Variants in CDH3 observed in about 807,000 individuals in gnomAD.
The protein encoded by CDH3 is cadherin 3, also known as cadherin-3.
A neutral mutation model predicts 82.0 loss-of-function variants in CDH3; 54 were observed. The observed-to-expected ratio is 0.66, with a 90% CI of 0.53 to 0.83. The LOEUF (loss-of-function observed/expected upper bound fraction) is 0.83. Among genes scored for constraint, CDH3 ranks in the 40% least tolerant of loss-of-function variants. The pLI is 0.00. For synonymous variants in CDH3, 446 were observed against 437.9 expected (o/e 1.02, Z -0.23); for missense variants, 1,054 against 1,084.6 (o/e 0.97, Z 0.40).
chr16:68,705,467 C>T (rs1465062133), intron 1 of CDH3, among the ~76,000 whole-genome samples: 1 of 152,048 alleles, frequency 6.6e-6, no homozygotes, highest in Non-Finnish European at 1.5e-5. Context: ...ATCCCCCAGG[C>T]TGGAGTGCAG....
At chr16:68,718,955 G>A (rs1027094351) in intron 1 of CDH3, among the ~76,000 whole-genome samples, 5 of 151,948 alleles carry the variant, frequency 3.3e-5, no homozygotes, top group Admixed American at 6.6e-5. Flanking sequence ...GAAAAAAAAC[G>A]GGGCCGGGCG....
chr16:68,708,725 C>T (rs777870977), intron 1 of CDH3, among the ~76,000 whole-genome samples: 1 of 151,814 alleles, frequency 6.6e-6, no homozygotes, highest in Non-Finnish European at 1.5e-5. Context: ...CTCACTGAAA[C>T]CTCCACCTCC....
intron 1 of CDH3, among the ~76,000 whole-genome samples, chr16:68,713,982 GGAGTGCGGTGGCTC>G (rs1962063807): frequency 6.6e-6 from 1 of 151,880 alleles, no homozygotes; most frequent in Non-Finnish European, 1.5e-5. Flanking sequence ...CACCCAGGCT[GGAGTGCGGTGGCTC>G]GATCTCAGCT....
intron 2 of CDH3, 124 bp from the exon 3 acceptor site, chr16:68,676,261 C>A (rs1402308072): frequency 1.4e-6 from 1 of 730,682 alleles, no homozygotes. Flanking sequence ...TAAGCCAAGT[C>A]TCCCTTCTGC....
intron 11 of CDH3, chr16:68,686,318 C>A (rs866731125): frequency 1.2e-6 from 1 of 838,028 alleles, no homozygotes; most frequent in Non-Finnish European, 2.0e-6. Context: ...AGGGTCAGAC[C>A]GCATGTCTCT....
intron 11 of CDH3, among the ~76,000 whole-genome samples, chr16:68,686,850 C>T (rs1024258865): frequency 1.3e-5 from 2 of 152,308 alleles, no homozygotes; most frequent in Admixed American, 1.3e-4. Flanking sequence ...CGCCTGTAGT[C>T]CCAGCTACTC....
At chr16:68,729,386 G>C (rs979082467), downstream of CDH3, among the ~76,000 whole-genome samples, 5 of 152,142 alleles carry the variant, frequency 3.3e-5, no homozygotes, top group African/African-American at 1.2e-4. Context: ...GTTTTTTAAA[G>C]AAGTCTGTAA....
Position 68,654,992 on chromosome 16 carries a change from C to T in CDH3, c.160+9242C>T, listed in dbSNP as rs1164270184. On this transcript the variant is annotated intron_variant, in intron 2 of 15. Coordinates refer to ENST00000264012, the MANE Select transcript of CDH3 (RefSeq NM_001793.6). Reference sequence around the variant, plus strand: ...CGGAGGTTGCAGTGAGCCGAGATTGCACCACTGCATTCCAGCCTGGGCAAC... The same window carrying T: ...CGGAGGTTGCAGTGAGCCGAGATTGTACCACTGCATTCCAGCCTGGGCAAC... 2.6e-5 allele frequency among the ~76,000 whole-genome samples: 4 copies of T among 152,134 alleles called. No homozygotes were observed. In the South Asian group the frequency reaches 6.2e-4, roughly 24 times the overall value.
chr16:68,672,698 A>G (rs748147950), intron 2 of CDH3, among the ~76,000 whole-genome samples: 2 of 152,198 alleles, frequency 1.3e-5, no homozygotes, highest in African/African-American at 2.4e-5. Flanking sequence ...TCAAGGAGGC[A>G]GGGCTGGTTC....
rs765346122 is a variant in CDH3 at position 68,682,379 on chromosome 16, C to T, written c.1074C>T (p.Asn358=). The stretch of plus-strand genomic sequence containing the variant: ...CGGTCACTGATCTGGACGCCCCCAA[C>T]TCACCAGCGTGGCGTGCCACCTACC... ...RLTVTDLDAP[N]SPAWRATYLI... is the part of the protein sequence containing the mutation. The change falls in exon 9 of 16, where the codon AAC becomes AAT. Residue 358 remains asparagine, a synonymous_variant. Transcript: ENST00000264012. 1.2e-5 allele frequency: 19 copies of T among 1,614,078 alleles called. No homozygotes were observed. In the South Asian group the frequency reaches 1.6e-4, roughly 14 times the overall value.
In CDH3 at chr16:68,695,365, G is replaced by T. The variant is rs763142765; in HGVS notation, c.2113G>T (p.Gly705Trp). ...CAACGTCTTCTACTATGGCGAAGAG[G>T]GGGGTGGCGAAGAGGACCAGGTGGG... is the stretch of plus-strand genomic sequence containing the variant. ...RDNVFYYGEE[G>W]GGEEDQDYDI... The change falls in exon 14 of 16, where the codon GGG becomes TGG. Residue 705 changes from glycine to tryptophan, a missense_variant. By Grantham distance (184) the Gly-to-Trp change is radical. Transcript: ENST00000264012. 1.6e-5 allele frequency: 26 copies of T among 1,612,970 alleles called. No homozygotes were observed. The highest frequency in any genetic ancestry group is 2.1e-5 in the Non-Finnish European group (25 of 1,179,540).
At chr16:68,701,681 G>A (rs1961897026), downstream of CDH3, among the ~76,000 whole-genome samples, 1 of 151,760 alleles carries the variant, frequency 6.6e-6, no homozygotes, top group Non-Finnish European at 1.5e-5. Flanking sequence ...AAGTAGCTGG[G>A]ATTACAGGCG....
intron 1 of CDH3, among the ~76,000 whole-genome samples, chr16:68,712,571 AATACC>A (rs145416655): frequency 0.016 from 2,390 of 152,294 alleles, 33 homozygotes; most frequent in Non-Finnish European, 0.018. Flanking sequence ...ATGAAAATCC[AATACC>A]ATAACATTGT....
chr16:68,667,816 G>C (rs1192159208), intron 2 of CDH3, among the ~76,000 whole-genome samples: 1 of 152,180 alleles, frequency 6.6e-6, no homozygotes, highest in African/African-American at 2.4e-5. Flanking sequence ...TTTGAACATA[G>C]GCCAGAGACT....
At chr16:68,662,702 G>A (rs1197939239) in intron 2 of CDH3, among the ~76,000 whole-genome samples, 2 of 150,976 alleles carry the variant, frequency 1.3e-5, no homozygotes, top group South Asian at 2.1e-4. Context: ...CCGCCACCAC[G>A]CCCGGCTAAT....
intron 1 of CDH3, among the ~76,000 whole-genome samples, chr16:68,705,688 C>T (rs1961952449): frequency 6.6e-6 from 1 of 151,704 alleles, no homozygotes; most frequent in Admixed American, 6.6e-5. Flanking sequence ...TCCCAAACTG[C>T]TGGGATTACA....
At chr16:68,691,989 T>G in intron 13 of CDH3, 63 bp downstream of exon 13, 2 of 1,383,484 alleles carry the variant, frequency 1.4e-6, no homozygotes, top group Non-Finnish European at 2.0e-6. Flanking sequence ...GATTCTACCT[T>G]GAGCTTTAAC....
At chr16:68,713,717 C>T (rs1010382871) in intron 1 of CDH3, among the ~76,000 whole-genome samples, 1 of 152,250 alleles carries the variant, frequency 6.6e-6, no homozygotes, top group East Asian at 1.9e-4. Context: ...CTTCAAATCC[C>T]AGCCTAGGTT....
chr16:68,661,791 C>G (rs1333181551), intron 2 of CDH3, among the ~76,000 whole-genome samples: 11 of 152,226 alleles, frequency 7.2e-5, no homozygotes, highest in Non-Finnish European at 2.9e-5. Flanking sequence ...CGGGTTCAAG[C>G]TATTCTCCTG....
Sources: allele counts gnomAD v4.1 joint callset (sites outside exome capture counted in the v4.1 genomes callset), GRCh38; gene constraint gnomAD v4.1.1; transcripts MANE v1.5; gene names NCBI Gene and HGNC (gene_info 2026-07-23, HGNC 2026-07-21).